The following FAM20A variants were observed in gnomAD, a reference collection of about 807,000 sequenced individuals.
The protein encoded by FAM20A is pseudokinase FAM20A.
A neutral mutation model predicts 52.0 loss-of-function variants in FAM20A; 42 were observed. The observed-to-expected ratio is 0.81, with a 90% CI of 0.63 to 1.04. FAM20A has a LOEUF of 1.04. Among genes scored for constraint, FAM20A ranks in the 50% least tolerant of loss-of-function variants. The probability of loss-of-function intolerance (pLI) is 0.00; values close to 1 mark genes in which losing one functional copy is unlikely to be tolerated. For synonymous variants in FAM20A, 304 were observed against 298.9 expected (o/e 1.02, Z -0.18); for missense variants, 742 against 712.7 (o/e 1.04, Z -0.47).
Position 68,536,215 on chromosome 17 carries a change from C to T in FAM20A, c.*1262G>A, listed in dbSNP as rs771420640. 10 of 453,980 alleles carry T rather than the reference C, an allele frequency of 2.2e-5. No homozygotes were observed. The highest frequency in any genetic ancestry group is 1.6e-4 in the African/African-American group (8 of 49,998). The allele number at this position is 453,980 out of a possible 1,614,324, so 28.1% of individuals were successfully genotyped here. On this transcript the variant is annotated 3_prime_UTR_variant, in exon 11 of 11. Transcript: ENST00000592554. ...CATTTCTGGTTCTTGACCTTGTACT[C>T]TCTTTAGTGACAGCTCCATTCTATT...
At chr17:68,543,025 C>T (rs1006488616) in intron 5 of FAM20A, among the ~76,000 whole-genome samples, 4 of 152,110 alleles carry the variant, frequency 2.6e-5, no homozygotes, top group Admixed American at 6.5e-5. Context: ...GAAAATGAAT[C>T]CTTATTCCGT....
rs150228959 is a variant in FAM20A at position 68,544,618 on chromosome 17, A to C, written c.720-897T>G. Among the ~76,000 whole-genome samples, 274 of 152,336 alleles carry C rather than the reference A, an allele frequency of 1.8e-3. 2 individuals are homozygous for C. The highest frequency in any genetic ancestry group is 5.7e-3 in the African/African-American group (238 of 41,580). On this transcript the variant is annotated intron_variant, in intron 4 of 10. Transcript: ENST00000592554. ...ACTGGCAATTTAAACCGTGTTGTGCATTTTGCCAAAAAACACGAGTGAGTC... is the reference window on the plus strand; with the variant it reads ...ACTGGCAATTTAAACCGTGTTGTGCCTTTTGCCAAAAAACACGAGTGAGTC...
chr17:68,566,446 A>C (rs1381692252), intron 1 of FAM20A, among the ~76,000 whole-genome samples: 3 of 152,164 alleles, frequency 2.0e-5, no homozygotes, highest in African/African-American at 7.2e-5. Flanking sequence ...GGGTTACAAA[A>C]TATTTTAGGG....
intron 4 of FAM20A, among the ~76,000 whole-genome samples, chr17:68,544,556 A>G (rs1460011959): frequency 6.6e-6 from 1 of 152,240 alleles, no homozygotes; most frequent in Admixed American, 6.5e-5. Flanking sequence ...TTAGATGTAA[A>G]TAAACGTGAT....
At position 68,555,636 on chromosome 17, in the gene FAM20A, T is replaced by G; in HGVS notation, c.512A>C (p.His171Pro). Residue 171 changes from histidine to proline, a missense_variant, in exon 2 of 11, where the codon CAT (histidine) becomes CCT (proline). Transcript: ENST00000592554. ...AGGGCTGGACCGGGAGTAGAGCCCA[T>G]GGCGGTTAATACCCAGGTGGAACTG... The part of the protein sequence containing the change: ...WVQFHLGINR[H>P]GLYSRSSPVV... The G allele has an allele frequency of 6.2e-7, 1 of 1,613,742 alleles. No individual in the cohort carries two copies. Among genetic ancestry groups the G allele is most frequent in the Non-Finnish European group, 8.5e-7 (1 of 1,180,020 alleles).
At chr17:68,557,015 A>C (rs936337080) in intron 1 of FAM20A, among the ~76,000 whole-genome samples, 6 of 151,952 alleles carry the variant, frequency 3.9e-5, no homozygotes, top group Non-Finnish European at 8.8e-5. Flanking sequence ...CCTGGACAAC[A>C]ATGATAAAGC....
intron 4 of FAM20A, among the ~76,000 whole-genome samples, chr17:68,546,636 CTGGCTA>C (rs1470253663): frequency 6.6e-6 from 1 of 152,046 alleles, no homozygotes; most frequent in East Asian, 1.9e-4. Context: ...CAAGACCATC[CTGGCTA>C]ACACGGTGAA....
At chr17:68,572,219 G>A (rs2087584593) in intron 1 of FAM20A, among the ~76,000 whole-genome samples, 1 of 151,540 alleles carries the variant, frequency 6.6e-6, no homozygotes. Context: ...ACAGTGCCCA[G>A]CTGTATGTAG....
rs371680893 is a variant in FAM20A at position 68,590,696 on chromosome 17, G to A, written c.404+9567C>T. Among the ~76,000 whole-genome samples the A allele has an allele frequency of 5.8e-4, 88 of 152,346 alleles. 1 individual carries two copies. The South Asian group carries it at 0.017, about 30-fold the overall frequency. ...GCAGCAGCCATAGGAGTCAGTGACT[G>A]TAGCAGACACAAGTTGAGAAACTTT... On this transcript the variant is annotated intron_variant, in intron 1 of 10. Coordinates refer to ENST00000592554, the MANE Select transcript of FAM20A (RefSeq NM_017565.4).
Position 68,565,547 on chromosome 17 carries a change from C to A in FAM20A, c.405-9804G>T, listed in dbSNP as rs115951106. Reference sequence around the variant, plus strand: ...TAGCTGGGATTACAGGTGTGTGCCACCAAGCATAGCTAACTTTTGTATTTT... The same window carrying A: ...TAGCTGGGATTACAGGTGTGTGCCAACAAGCATAGCTAACTTTTGTATTTT... On this transcript the variant is annotated intron_variant, in intron 1 of 10. Transcript: ENST00000592554. Among the ~76,000 whole-genome samples, 1,293 of 151,908 alleles carry A rather than the reference C, an allele frequency of 8.5e-3. 19 individuals are homozygous for A. Among genetic ancestry groups the A allele is most frequent in the African/African-American group, 0.03 (1,242 of 41,418 alleles).
At chr17:68,581,581 C>CT (rs11330363) in intron 1 of FAM20A, among the ~76,000 whole-genome samples, 1,979 of 96,094 alleles carry the variant, frequency 0.021, 45 homozygotes, top group African/African-American at 0.054. Flanking sequence ...TTCTTTTTTC[C>CT]TTTTTTTTTT....
rs1030256438 is a variant in FAM20A at position 68,600,867 on chromosome 17, G to A, written c.-201C>T. 2.4e-5 allele frequency: 13 copies of A among 545,638 alleles called. No homozygotes were observed. Among genetic ancestry groups the A allele is most frequent in the Admixed American group, 1.9e-4 (5 of 26,452 alleles). 33.8% of individuals were successfully genotyped at this position (545,638 alleles called of 1,614,324 possible). ...TTGGGGACCAGGTGCACGGAGCACC[G>A]GGGCTCTCGGAGTCAGCGGGCGTCG... On this transcript the variant is annotated 5_prime_UTR_variant, in exon 1 of 11. Transcript: ENST00000592554. The surrounding 1 kb of genome is among the most constrained non-coding windows in gnomAD (Gnocchi z 6.2).
chr17:68,548,721 G>GTTT (rs1568732995), intron 4 of FAM20A, among the ~76,000 whole-genome samples: 2 of 132,900 alleles, frequency 1.5e-5, no homozygotes, highest in Admixed American at 7.8e-5. Context: ...AGCTATGCCT[G>GTTT]TATATTTTTT....
intron 1 of FAM20A, among the ~76,000 whole-genome samples, chr17:68,561,105 G>T (rs137904085): frequency 6.6e-6 from 1 of 152,224 alleles, no homozygotes; most frequent in Non-Finnish European, 1.5e-5. Flanking sequence ...TTCACTTATG[G>T]TGATTTTTTA....
intron 4 of FAM20A, among the ~76,000 whole-genome samples, chr17:68,549,758 A>C (rs1190934739): frequency 6.6e-6 from 1 of 151,984 alleles, no homozygotes; most frequent in African/African-American, 2.4e-5. Context: ...CTCACTGGTG[A>C]CTCTTGTGTT....
intron 4 of FAM20A, among the ~76,000 whole-genome samples, chr17:68,548,553 G>A (rs1299337474): frequency 6.6e-6 from 1 of 151,568 alleles, no homozygotes. Context: ...TTGAAATATT[G>A]TGAGAATTAC....
intron 4 of FAM20A, among the ~76,000 whole-genome samples, chr17:68,549,009 G>C (rs1236307816): frequency 5.3e-5 from 8 of 152,062 alleles, no homozygotes; most frequent in Non-Finnish European, 1.0e-4. Flanking sequence ...TGGGATTACA[G>C]GCGTGAGCCA....
At position 68,542,053 on chromosome 17, in the gene FAM20A, G is replaced by T; in HGVS notation, c.1041C>A (p.Leu347=). Reference sequence around the variant, plus strand: ...GCACAGACAGCCTGGGGGCCAGGTTGAGGGACGGCAGGAAGGCAGAGAGGG... The same window carrying T: ...GCACAGACAGCCTGGGGGCCAGGTTTAGGGACGGCAGGAAGGCAGAGAGGG... ...EGSLSAFLPS[L]NLAPRLSVPN... The change falls in exon 7 of 11, where the codon CTC becomes CTA. Residue 347 remains leucine, a synonymous_variant. Coordinates refer to ENST00000592554, the MANE Select transcript of FAM20A (RefSeq NM_017565.4). 1 of 1,614,170 alleles carries T rather than the reference G, an allele frequency of 6.2e-7. No individual in the cohort carries two copies. Among genetic ancestry groups the T allele is most frequent in the Admixed American group, 1.7e-5 (1 of 60,030 alleles).
chr17:68,551,940 T>A lies in FAM20A; in HGVS notation c.652A>T (p.Ser218Cys). ...ACDCTQIVKP[S>C]GVHLKLVLRF... Reference sequence around the variant, plus strand: ...AGCACCAGCTTGAGGTGGACCCCACTGGGTTTCACAACTGTGAAAGGCAGA... The same window carrying A: ...AGCACCAGCTTGAGGTGGACCCCACAGGGTTTCACAACTGTGAAAGGCAGA... The change falls in exon 4 of 11, where the codon AGT (serine) becomes TGT (cysteine). Residue 218 changes from serine (S) to cysteine (C), a missense_variant. Ser to Cys is a moderately radical substitution (Grantham distance 112). Transcript: ENST00000592554. 2 of 1,586,426 alleles carry A rather than the reference T, an allele frequency of 1.3e-6. No homozygotes were observed. The highest frequency in any genetic ancestry group is 1.7e-6 in the Non-Finnish European group (2 of 1,164,366).
Sources: allele counts gnomAD v4.1 joint callset (sites outside exome capture counted in the v4.1 genomes callset), GRCh38; gene constraint gnomAD v4.1.1; non-coding constraint Gnocchi (gnomAD v3.1); transcripts MANE v1.5; gene names NCBI Gene and HGNC (gene_info 2026-07-23, HGNC 2026-07-21).